The following PLXNA4 variants were observed in gnomAD, a reference collection of about 807,000 sequenced individuals.
The protein encoded by PLXNA4 is plexin-A4.
A neutral mutation model predicts 191.8 loss-of-function variants in PLXNA4; 44 were observed. That is an observed-to-expected ratio of 0.23 (90% CI 0.18 to 0.29). The LOEUF (loss-of-function observed/expected upper bound fraction) is 0.29, where lower values mean the gene tolerates loss of function less well. Ranked by LOEUF, PLXNA4 falls within the 10% of genes least tolerant of loss-of-function variation. The pLI is 1.00. For missense variants in PLXNA4, 1,800 were observed against 2,488.8 expected (o/e 0.72, Z 5.89); for synonymous variants, 1,082 against 1,009.5 (o/e 1.07, Z -1.36).
chr7:132,356,022 G>T (rs1803690672), intron 3 of PLXNA4, among the ~76,000 whole-genome samples: 2 of 152,116 alleles, frequency 1.3e-5, no homozygotes, highest in African/African-American at 2.4e-5. Flanking sequence ...AGCAAGAGGG[G>T]AGATATTTAA....
intron 24 of PLXNA4, among the ~76,000 whole-genome samples, chr7:132,163,669 C>T (rs1796015147): frequency 1.3e-5 from 2 of 152,204 alleles, no homozygotes; most frequent in South Asian, 4.1e-4. Context: ...CCACCTTGGC[C>T]TTGCGTTATA....
At chr7:132,237,059 A>G (rs1562984447) in intron 5 of PLXNA4, among the ~76,000 whole-genome samples, 1 of 152,240 alleles carries the variant, frequency 6.6e-6, no homozygotes, top group South Asian at 2.1e-4. Context: ...AAAGTGTTCT[A>G]TATCTTGATA....
chr7:132,594,898 CATAG>C (rs1374311617), intron 2 of PLXNA4, among the ~76,000 whole-genome samples: 1 of 142,382 alleles, frequency 7.0e-6, no homozygotes, highest in African/African-American at 2.7e-5. Flanking sequence ...TCCATTCAGA[CATAG>C]ATAGATAGGT....
chr7:132,500,899 T>G (rs1798221989), intron 2 of PLXNA4, among the ~76,000 whole-genome samples: 1 of 152,324 alleles, frequency 6.6e-6, no homozygotes, highest in Admixed American at 6.5e-5. Context: ...TCTCACAAGC[T>G]GGGACTGGCT....
At chr7:132,157,143 TG>T (rs1414889389) in intron 25 of PLXNA4, among the ~76,000 whole-genome samples, 1 of 152,216 alleles carries the variant, frequency 6.6e-6, no homozygotes, top group Non-Finnish European at 1.5e-5. Flanking sequence ...CCTCTCTGTT[TG>T]TTTGGGTGCC....
intron 1 of PLXNA4, among the ~76,000 whole-genome samples, chr7:132,523,068 G>A (rs770934483): frequency 2.0e-5 from 3 of 152,034 alleles, no homozygotes; most frequent in Non-Finnish European, 1.5e-5. Flanking sequence ...TCATGCATTC[G>A]TTCACCAACA....
Position 132,550,974 on chromosome 7 carries a change from A to T in PLXNA4, c.-87+25448T>A, listed in dbSNP as rs1304124070. On this transcript the variant is annotated intron_variant, in intron 1 of 31. Transcript: ENST00000321063. Reference sequence around the variant, plus strand: ...GCATTCTCTCCCTTTGCTAGAGCACAAGCACCCACTCGGTCCTCCGTGCCC... The same window carrying T: ...GCATTCTCTCCCTTTGCTAGAGCACTAGCACCCACTCGGTCCTCCGTGCCC... Among the ~76,000 whole-genome samples, 3 of 152,244 alleles carry T rather than the reference A, an allele frequency of 2.0e-5. No individual in the cohort carries two copies. The East Asian group carries it at 5.8e-4, about 29-fold the overall frequency.
chr7:132,302,805 T>C (rs1801357814), intron 3 of PLXNA4, among the ~76,000 whole-genome samples: 1 of 152,102 alleles, frequency 6.6e-6, no homozygotes, highest in South Asian at 2.1e-4. Flanking sequence ...CATGGTTCAG[T>C]CACCAATACA....
intron 4 of PLXNA4, chr7:132,264,085 C>T (rs1214588750): frequency 6.6e-6 from 1 of 152,074 alleles, no homozygotes; most frequent in Non-Finnish European, 1.5e-5. Flanking sequence ...TATCCCGCTG[C>T]ACTCAGATAC....
intron 3 of PLXNA4, among the ~76,000 whole-genome samples, chr7:132,388,698 C>T (rs1805266086): frequency 6.6e-6 from 1 of 152,166 alleles, no homozygotes; most frequent in Non-Finnish European, 1.5e-5. Context: ...GCTTTGGGGC[C>T]TTAAGTTGGG....
chr7:132,170,314 C>T (rs1460755172), intron 21 of PLXNA4, among the ~76,000 whole-genome samples: 1 of 152,194 alleles, frequency 6.6e-6, no homozygotes, highest in Non-Finnish European at 1.5e-5. Context: ...GGATAAGGAG[C>T]TTCACAAAGC....
chr7:132,390,373 C>T, intron 3 of PLXNA4, among the ~76,000 whole-genome samples: 1 of 151,874 alleles, frequency 6.6e-6, no homozygotes, highest in East Asian at 1.9e-4. Flanking sequence ...ACAATGAGAA[C>T]ACATGGACAC....
intron 1 of PLXNA4, among the ~76,000 whole-genome samples, chr7:132,546,718 A>G (rs1010188404): frequency 7.2e-5 from 11 of 152,196 alleles, no homozygotes; most frequent in African/African-American, 2.7e-4. Context: ...AAACTGATTG[A>G]TTATCAGATC....
intron 4 of PLXNA4, among the ~76,000 whole-genome samples, chr7:132,295,510 C>T (rs1801043263): frequency 6.6e-6 from 1 of 152,202 alleles, no homozygotes; most frequent in Non-Finnish European, 1.5e-5. Flanking sequence ...GAGGGAGACC[C>T]ACCACCTGAA....
chr7:132,393,394 C>T (rs1325957034), intron 3 of PLXNA4, among the ~76,000 whole-genome samples: 1 of 152,096 alleles, frequency 6.6e-6, no homozygotes, highest in Non-Finnish European at 1.5e-5. Context: ...TCCAGAGAGG[C>T]TGTATTGGCT....
chr7:132,229,480 C>T (rs1168544417), intron 5 of PLXNA4, among the ~76,000 whole-genome samples: 2 of 152,032 alleles, frequency 1.3e-5, no homozygotes, highest in African/African-American at 2.4e-5. Context: ...TGGGGCTTCA[C>T]CAAGTGGTCA....
chr7:132,159,756 A>G (rs1026310561), intron 24 of PLXNA4, 124 bp from the exon 25 acceptor site: 2 of 1,489,862 alleles, frequency 1.3e-6, no homozygotes, highest in Admixed American at 2.1e-5. Context: ...GCTAGGGAGG[A>G]GTAGGGTGGC....
chr7:132,267,146 C>T (rs1799889072), intron 4 of PLXNA4, among the ~76,000 whole-genome samples: 3 of 152,114 alleles, frequency 2.0e-5, no homozygotes, highest in Non-Finnish European at 4.4e-5. Context: ...TCTCTTGCCT[C>T]AGAAGTCAGG....
chr7:132,428,950 A>G (rs1445699008), intron 3 of PLXNA4, among the ~76,000 whole-genome samples: 2 of 152,126 alleles, frequency 1.3e-5, no homozygotes, highest in African/African-American at 4.8e-5. Flanking sequence ...TCGGGGTGCA[A>G]GGGCTTAGAC....
Sources: gnomAD v4.1 joint callset for allele counts (sites outside exome capture counted in the v4.1 genomes callset) on GRCh38, gnomAD v4.1.1 for gene constraint, MANE v1.5 for transcripts, NCBI Gene and HGNC (gene_info 2026-07-23, HGNC 2026-07-21) for gene names.